FANCI: variants seen among roughly 807,000 people sequenced by gnomAD.
FANCI encodes FA complementation group I, also known as Fanconi anemia group I protein.
In FANCI, 156 loss-of-function variants were observed where a neutral mutation model predicts 176.1. The observed-to-expected ratio is 0.89, with a 90% CI of 0.78 to 1.01. The LOEUF (loss-of-function observed/expected upper bound fraction) is 1.01, where lower values mean the gene tolerates loss of function less well. Ranked by LOEUF, FANCI falls within the 50% of genes least tolerant of loss-of-function variation. The pLI, the probability that FANCI is intolerant of heterozygous loss-of-function variation, is 0.00. For missense variants in FANCI, 1,678 were observed against 1,534.1 expected, an observed-to-expected ratio of 1.09 and a Z score of -1.57; for synonymous variants, 613 against 541.7, an observed-to-expected ratio of 1.13 and a Z score of -1.83.
At position 89,299,889 on chromosome 15, in the gene FANCI, TGGAG is replaced by T. The variant is rs1330827646; in HGVS notation, c.2729_2732del (p.Glu910ValfsTer57). The T allele has an allele frequency of 1.2e-6, 2 of 1,613,998 alleles. No homozygotes were observed. Among genetic ancestry groups the T allele is most frequent in the Non-Finnish European group, 1.7e-6 (2 of 1,179,990 alleles). ...GGAAAGAGCATCTCACTGCTGTGCT[TGGAG>T]GGTTTACAGAAAATATTCAGTGCTG... On this transcript the variant is annotated frameshift_variant, in exon 25 of 38. Transcript: ENST00000310775. LOFTEE classifies it high-confidence loss of function.
chr15:89,267,698 A>G (rs1048197801), intron 9 of FANCI, among the ~76,000 whole-genome samples: 2 of 152,210 alleles, frequency 1.3e-5, no homozygotes, highest in African/African-American at 4.8e-5. Flanking sequence ...AGGCTGAGGC[A>G]TGAGAATCAC....
rs1274925668 is a variant in FANCI, at chr15:89,288,567, A to T, written c.1822-1646A>T. 2.0e-5 allele frequency among the ~76,000 whole-genome samples: 3 copies of T among 151,194 alleles called. No individual in the cohort carries two copies. In the East Asian group the frequency reaches 5.8e-4, roughly 29 times the overall value. On this transcript the variant is annotated intron_variant, in intron 18 of 37. Transcript: ENST00000310775. ...TATGATCCTTTTACACTTAAATAAT[A>T]ATTTTTGGTTACTAAATCTATTGAT...
At chr15:89,282,787 A>G in intron 16 of FANCI, 1 of 341,916 alleles carries the variant, frequency 2.9e-6, no homozygotes, top group Non-Finnish European at 5.7e-6. Context: ...ATATGAAGGG[A>G]AGCACTCCTT....
At chr15:89,302,679 T>C (rs2054569672) in intron 27 of FANCI, among the ~76,000 whole-genome samples, 1 of 151,862 alleles carries the variant, frequency 6.6e-6, no homozygotes, top group African/African-American at 2.4e-5. Context: ...GTTCACGCCA[T>C]TCTCCTGCCT....
At chr15:89,302,897 A>G (rs1286198811) in intron 27 of FANCI, among the ~76,000 whole-genome samples, 2 of 152,142 alleles carry the variant, frequency 1.3e-5, no homozygotes, top group Non-Finnish European at 2.9e-5. Context: ...TTAATTTTGA[A>G]TGGGTAATAA....
rs548709546 is a variant in FANCI, at chr15:89,252,903, C to G, written c.84+5172C>G. ...GTCAATTCTTCCAAAGTTAATTTAT[C>G]AATTTAATACCAGTAAAAATCCCAT... On this transcript the variant is annotated intron_variant, in intron 2 of 37. Transcript: ENST00000310775. 5.9e-5 allele frequency among the ~76,000 whole-genome samples: 9 copies of G among 152,242 alleles called. No individual in the cohort carries two copies. In the South Asian group the frequency reaches 1.9e-3, roughly 32 times the overall value.
At chr15:89,295,166 A>T in intron 24 of FANCI, 72 bp downstream of exon 24, 1 of 1,473,774 alleles carries the variant, frequency 6.8e-7, no homozygotes, top group Non-Finnish European at 9.1e-7. Context: ...AACTGGGAAC[A>T]GAGGATGAAG....
chr15:89,303,266 C>T (rs1045726083), intron 27 of FANCI, among the ~76,000 whole-genome samples: 9 of 152,186 alleles, frequency 5.9e-5, no homozygotes, highest in Non-Finnish European at 1.0e-4. Flanking sequence ...AACGGCATTT[C>T]GGTGCCTTTG....
At chr15:89,306,987 T>C (rs903590991) in intron 32 of FANCI, among the ~76,000 whole-genome samples, 2 of 152,188 alleles carry the variant, frequency 1.3e-5, no homozygotes, top group Non-Finnish European at 2.9e-5. Flanking sequence ...TTTATAAAAA[T>C]ACAAGGCATA....
chr15:89,247,550 C>A, intron 1 of FANCI, 79 bp from the exon 2 acceptor site: 1 of 974,902 alleles, frequency 1.0e-6, no homozygotes, highest in Non-Finnish European at 1.7e-6. Context: ...ATGAAATATT[C>A]AGTTAACAGG....
rs34462132 is a variant in FANCI at position 89,305,159 on chromosome 15, C to T, written c.3103C>T (p.Leu1035=). 7.5e-4 allele frequency: 1,217 copies of T among 1,614,158 alleles called. 5 individuals are homozygous for T. The African/African-American group carries it at 0.014, about 19-fold the overall frequency. The change falls in exon 29 of 38, where the codon CTG becomes TTG. Residue 1035 remains leucine, a synonymous_variant. Coordinates refer to ENST00000310775, the MANE Select transcript of FANCI (RefSeq NM_001113378.2). ...CKSLMNLLFS[L]HVSYKSPVIL... is the part of the protein sequence containing the mutation. ...GAGCTTGATGAACTTGCTCTTCAGC[C>T]TGCATGTTTCGTATAAGAGTCCTGT...
chr15:89,274,297 A>G lies in FANCI; in HGVS notation c.1105A>G (p.Lys369Glu). ...TTCAACCATGATCTTGGAAGTAGTG[A>G]AGAATAGGTAAGTTGGTGAACCATA... Reference protein sequence around the residue: ...YVSTMILEVVKNSVHSWDHVT... With the variant: ...YVSTMILEVVENSVHSWDHVT... Residue 369 changes from lysine to glutamate, a missense_variant, in exon 12 of 38, where the codon AAG becomes GAG. Coordinates refer to ENST00000310775, the MANE Select transcript of FANCI (RefSeq NM_001113378.2). 1 of 1,613,616 alleles carries G rather than the reference A, an allele frequency of 6.2e-7. No individual in the cohort carries two copies. Among genetic ancestry groups the G allele is most frequent in the South Asian group, 1.1e-5 (1 of 91,058 alleles).
chr15:89,293,761 A>T, intron 22 of FANCI, 72 bp from the exon 23 acceptor site: 1 of 1,357,418 alleles, frequency 7.4e-7, no homozygotes, highest in Non-Finnish European at 1.0e-6. Flanking sequence ...CATTGTGATT[A>T]TTATCATATG....
At chr15:89,245,233 A>C (rs931619688) in intron 1 of FANCI, 1 of 146,014 alleles carries the variant, frequency 6.8e-6, no homozygotes, top group Non-Finnish European at 1.5e-5. Flanking sequence ...CAGTGGCGCG[A>C]TCTCGGCTCA....
chr15:89,270,958 C>T (rs2053177069), intron 10 of FANCI, among the ~76,000 whole-genome samples: 1 of 152,168 alleles, frequency 6.6e-6, no homozygotes. Context: ...ACTTCTTTAT[C>T]TTCTCTGTAT....
intron 8 of FANCI, 111 bp downstream of exon 8, chr15:89,264,137 A>G (rs2052837181): frequency 8.2e-7 from 1 of 1,224,640 alleles, no homozygotes; most frequent in Non-Finnish European, 1.2e-6. Flanking sequence ...CCGAACATAG[A>G]TGCTTTCATT....
chr15:89,250,994 T>A (rs961371633), intron 2 of FANCI, among the ~76,000 whole-genome samples: 4 of 151,066 alleles, frequency 2.6e-5, no homozygotes, highest in Non-Finnish European at 4.4e-5. Context: ...ATTAATAAAG[T>A]AGAGAACAGA....
intron 34 of FANCI, chr15:89,308,024 T>C (rs1187370874): frequency 1.7e-6 from 2 of 1,200,376 alleles, no homozygotes; most frequent in Non-Finnish European, 2.1e-6. Flanking sequence ...AGCAAGCACA[T>C]GAAGAAGGGT....
chr15:89,245,171 TCTTTTC>T (rs2051893943), intron 1 of FANCI: 1 of 116,806 alleles, frequency 8.6e-6, no homozygotes, highest in African/African-American at 4.0e-5. Context: ...TCTTTTCTTT[TCTTTTC>T]TTTTTTTTTT....
Sources: allele counts gnomAD v4.1 joint callset (sites outside exome capture counted in the v4.1 genomes callset), GRCh38; gene constraint gnomAD v4.1.1; transcripts MANE v1.5; gene names NCBI Gene and HGNC (gene_info 2026-07-23, HGNC 2026-07-21).